Variants in C11orf65 observed in about 807,000 individuals in gnomAD.
C11orf65 encodes chromosome 11 open reading frame 65.
A neutral mutation model predicts 35.3 loss-of-function variants in C11orf65; 38 were observed. The observed-to-expected ratio is 1.08, with a 90% CI of 0.83 to 1.41. C11orf65 has a LOEUF of 1.41. Ranked by LOEUF, C11orf65 falls within the 40% of genes most tolerant of loss-of-function variation. The probability of loss-of-function intolerance (pLI) is 0.00; values close to 1 mark genes in which losing one functional copy is unlikely to be tolerated. For missense variants in C11orf65, 370 were observed against 367.1 expected, an observed-to-expected ratio of 1.01 and a Z score of -0.06; for synonymous variants, 105 against 114.4, an observed-to-expected ratio of 0.92 and a Z score of 0.53.
chr11:108,332,433 AAATT>A lies in C11orf65; in HGVS notation c.300-870_300-867del, dbSNP rs4988124. ...GGCAACAAGAGCGAAACTCTGTCTC[AAATT>A]AATTAATTAATTAATTAATTAAAAT... is the stretch of plus-strand genomic sequence containing the variant. On this transcript the variant is annotated intron_variant, in intron 3 of 3. Transcript: ENST00000524755. Among the ~76,000 whole-genome samples the A allele has an allele frequency of 8.7e-3, 1,323 of 151,726 alleles. 16 individuals are homozygous for A. Among genetic ancestry groups the A allele is most frequent in the Non-Finnish European group, 0.01 (704 of 67,772 alleles).
At chr11:108,413,141 T>C (rs1327582896) in intron 3 of C11orf65, among the ~76,000 whole-genome samples, 17 of 152,122 alleles carry the variant, frequency 1.1e-4, no homozygotes, top group Admixed American at 1.0e-3. Flanking sequence ...ACAGACAAAA[T>C]ATTTGGCAAG....
At chr11:108,330,149 G>A (rs1000754618), downstream of C11orf65, 11 of 1,525,884 alleles carry the variant, frequency 7.2e-6, no homozygotes, top group African/African-American at 2.8e-5. Context: ...TGTATATCAT[G>A]TGTGATTTTG....
At chr11:108,374,198 TGA>T (rs2091651925) in intron 2 of C11orf65, among the ~76,000 whole-genome samples, 1 of 47,250 alleles carries the variant, frequency 2.1e-5, no homozygotes, top group Non-Finnish European at 7.8e-5. Flanking sequence ...AGTAGGTCCC[TGA>T]CCCCTGACCC....
intron 2 of C11orf65, among the ~76,000 whole-genome samples, chr11:108,347,592 C>CAAGA (rs916730286): frequency 2.6e-5 from 4 of 151,904 alleles, no homozygotes; most frequent in African/African-American, 7.3e-5. Context: ...GCCTGGTCTT[C>CAAGA]AAGAAAGAAA....
At chr11:108,328,890 T>A, downstream of C11orf65, 1 of 1,024,846 alleles carries the variant, frequency 9.8e-7, no homozygotes, top group South Asian at 1.6e-5. Context: ...AAGTTTGCAA[T>A]AGTTCATATA....
chr11:108,334,743 GTTAT>G (rs1221328007), intron 3 of C11orf65, among the ~76,000 whole-genome samples: 2 of 152,272 alleles, frequency 1.3e-5, no homozygotes, highest in Non-Finnish European at 2.9e-5. Flanking sequence ...TTCGTGAGGA[GTTAT>G]TTCTCAGATG....
chr11:108,321,520 T>C (rs1033590925), intron 6 of C11orf65: 59 of 1,545,118 alleles, frequency 3.8e-5, no homozygotes, highest in Non-Finnish European at 5.2e-5. Flanking sequence ...CGGTGGCTCA[T>C]GCCTGTAATC....
chr11:108,401,756 C>T (rs1319489399), intron 6 of C11orf65, among the ~76,000 whole-genome samples: 5 of 152,148 alleles, frequency 3.3e-5, no homozygotes, highest in Non-Finnish European at 5.9e-5. Context: ...CCTCCTCTAC[C>T]CCATCGGTCT....
intron 2 of C11orf65, chr11:108,353,998 T>G: frequency 9.7e-7 from 1 of 1,029,190 alleles, no homozygotes; most frequent in Non-Finnish European, 1.5e-6. Context: ...GGAGGATTGT[T>G]TGAGCCCAGG....
intron 2 of C11orf65, among the ~76,000 whole-genome samples, chr11:108,373,272 G>A (rs1565619068): frequency 6.6e-6 from 1 of 152,098 alleles, no homozygotes; most frequent in African/African-American, 2.4e-5. Context: ...CAATAGTGCA[G>A]AAAAAGCTTG....
rs545672396 is a variant in C11orf65, at chr11:108,318,374, T to A, written c.641-9303A>T. ...GAGACTCTGTCTCTAAAAAAATAAA[T>A]AAAATAAAAAAAATAATATGCCTAC... is the stretch of plus-strand genomic sequence containing the variant. On this transcript the variant is annotated intron_variant, in intron 6 of 6. Coordinates refer to the C11orf65 transcript ENST00000525729. 4.4e-3 allele frequency among the ~76,000 whole-genome samples: 632 copies of A among 143,902 alleles called. 1 individual carries two copies. The highest frequency in any genetic ancestry group is 0.014 in the African/African-American group (530 of 38,734). The allele number at this position is 143,902 out of a possible 152,430, so 94.4% of individuals were successfully genotyped here. A position where few individuals can be genotyped will look rare whatever the true frequency, so the allele number is the denominator to read the frequency against.
chr11:108,387,601 C>T (rs1235537823), intron 7 of C11orf65, among the ~76,000 whole-genome samples: 1 of 152,108 alleles, frequency 6.6e-6, no homozygotes, highest in African/African-American at 2.4e-5. Context: ...CATCATGGGT[C>T]ACTGCAGCCT....
intron 3 of C11orf65, chr11:108,331,833 TA>T (rs1274784099): frequency 7.5e-6 from 12 of 1,590,964 alleles, no homozygotes; most frequent in African/African-American, 5.4e-5. Flanking sequence ...ATATGGATTA[TA>T]TTTTTTTGTT....
rs531943431 is a variant in C11orf65, at chr11:108,453,449, CAA to C, written c.81+8028_81+8029del. On this transcript the variant is annotated intron_variant, in intron 2 of 8. Coordinates refer to ENST00000393084, the MANE Select transcript of C11orf65 (RefSeq NM_152587.5). ...TGGTCTAAACATGCTAATTAAAAGACAAAGATTATTTAGAATTATGCAAAATT... is the reference window on the plus strand; with the variant it reads ...TGGTCTAAACATGCTAATTAAAAGACAGATTATTTAGAATTATGCAAAATT... 5.3e-5 allele frequency among the ~76,000 whole-genome samples: 8 copies of C among 151,800 alleles called. No individual in the cohort carries two copies. The South Asian group carries it at 1.0e-3, about 20-fold the overall frequency.
At chr11:108,325,122 G>A (rs1403016814) in intron 6 of C11orf65, among the ~76,000 whole-genome samples, 1 of 151,996 alleles carries the variant, frequency 6.6e-6, no homozygotes, top group Non-Finnish European at 1.5e-5. Flanking sequence ...AGCTCTGACC[G>A]CATAGCATTT....
At chr11:108,352,251 G>C (rs1436667616) in intron 2 of C11orf65, among the ~76,000 whole-genome samples, 2 of 152,108 alleles carry the variant, frequency 1.3e-5, no homozygotes, top group African/African-American at 2.4e-5. Flanking sequence ...AACACTGAAG[G>C]AACAATTACA....
At chr11:108,465,090 C>T (rs1473039783) in intron 1 of C11orf65, among the ~76,000 whole-genome samples, 3 of 152,168 alleles carry the variant, frequency 2.0e-5, no homozygotes, top group Non-Finnish European at 2.9e-5. Flanking sequence ...TGTTATTTAA[C>T]GTGACAGCAT....
intron 6 of C11orf65, among the ~76,000 whole-genome samples, chr11:108,398,839 G>A (rs570123020): frequency 1.3e-5 from 2 of 152,346 alleles, no homozygotes; most frequent in South Asian, 4.1e-4. Context: ...TATGAGAGGT[G>A]TTGTTGCCAG....
chr11:108,469,437 C>T (rs1473599847), upstream of C11orf65, among the ~76,000 whole-genome samples: 1 of 151,274 alleles, frequency 6.6e-6, no homozygotes, highest in Non-Finnish European at 1.5e-5. Context: ...AGGTATACTG[C>T]TGTTTAGATA....
Sources: gnomAD v4.1 joint callset for allele counts (sites outside exome capture counted in the v4.1 genomes callset) on GRCh38, gnomAD v4.1.1 for gene constraint, MANE v1.5 for transcripts, NCBI Gene and HGNC (gene_info 2026-07-23, HGNC 2026-07-21) for gene names.